The following USH2A variants were observed in gnomAD, a reference collection of about 807,000 sequenced individuals.
USH2A encodes usherin.
In USH2A, 443 loss-of-function variants were observed where a neutral mutation model predicts 538.9. The ratio of observed to expected loss-of-function variants is 0.82; its 90% CI spans 0.76 to 0.89. The LOEUF (loss-of-function observed/expected upper bound fraction) is 0.89, where lower values mean the gene tolerates loss of function less well. USH2A is among the 40% of genes least tolerant of loss of function. The pLI is 0.00. For synonymous variants in USH2A, 2,413 were observed against 2,273.5 expected (o/e 1.06, Z -1.75); for missense variants, 6,633 against 6,324.8 (o/e 1.05, Z -1.65).
intron 38 of USH2A, among the ~76,000 whole-genome samples, chr1:215,904,028 T>C (rs866534397): frequency 1.1e-4 from 16 of 152,076 alleles, no homozygotes; most frequent in Admixed American, 4.6e-4. Context: ...AATAAGTGCA[T>C]ACATAGAAAA....
At chr1:215,779,183 C>G (rs559952028) in intron 55 of USH2A, among the ~76,000 whole-genome samples, 1 of 152,186 alleles carries the variant, frequency 6.6e-6, no homozygotes, top group African/African-American at 2.4e-5. Flanking sequence ...GTTAGAGAAC[C>G]TATTCGAGCA....
intron 3 of USH2A, among the ~76,000 whole-genome samples, chr1:216,388,078 C>T (rs2039035666): frequency 6.6e-6 from 1 of 152,150 alleles, no homozygotes; most frequent in Non-Finnish European, 1.5e-5. Context: ...TATATTCTGC[C>T]ATGAACAAGT....
chr1:216,419,174 G>A (rs2039632630), intron 2 of USH2A, among the ~76,000 whole-genome samples: 1 of 152,064 alleles, frequency 6.6e-6, no homozygotes, highest in African/African-American at 2.4e-5. Context: ...GTGAAATGAA[G>A]AATGGACAGC....
intron 39 of USH2A, 169 bp downstream of exon 39, chr1:215,900,586 A>C: frequency 2.2e-6 from 2 of 930,206 alleles, no homozygotes; most frequent in South Asian, 3.2e-5. Flanking sequence ...ATAAATGAAA[A>C]ATAGATATTT....
intron 58 of USH2A, among the ~76,000 whole-genome samples, chr1:215,758,218 G>A (rs1295809974): frequency 5.3e-5 from 8 of 151,596 alleles, no homozygotes; most frequent in African/African-American, 1.2e-4. Context: ...CCCAGGAGTC[G>A]GAGGTTGTGG....
intron 9 of USH2A, among the ~76,000 whole-genome samples, chr1:216,306,871 T>C (rs894161059): frequency 6.6e-6 from 1 of 152,200 alleles, no homozygotes; most frequent in African/African-American, 2.4e-5. Flanking sequence ...CAAACAGCCC[T>C]GTGATATGAT....
chr1:216,405,444 C>A (rs750115000), intron 3 of USH2A, among the ~76,000 whole-genome samples: 98 of 152,216 alleles, frequency 6.4e-4, no homozygotes, highest in Non-Finnish European at 1.2e-3. Flanking sequence ...ATGCTGAACA[C>A]CATTAGTCAT....
chr1:216,077,801 A>G (rs1404258416), intron 27 of USH2A, among the ~76,000 whole-genome samples: 2 of 150,638 alleles, frequency 1.3e-5, no homozygotes, highest in Non-Finnish European at 3.0e-5. Context: ...CACATATATA[A>G]TTATATGTCA....
At chr1:216,240,009 TAAACAAAA>T (rs1428245089) in intron 13 of USH2A, among the ~76,000 whole-genome samples, 1 of 8,576 alleles carries the variant, frequency 1.2e-4, no homozygotes, top group African/African-American at 4.9e-4. Context: ...AGAGATGAAA[TAAACAAAA>T]AAAAAAAAAA....
At chr1:216,414,725 C>T (rs2102778220) in intron 3 of USH2A, among the ~76,000 whole-genome samples, 1 of 152,112 alleles carries the variant, frequency 6.6e-6, no homozygotes, top group South Asian at 2.1e-4. Flanking sequence ...TTTATTTTTT[C>T]ACATGCACAG....
In USH2A at chr1:215,741,429, T is replaced by C; in HGVS notation, c.11657A>G (p.Lys3886Arg). Residue 3886 changes from lysine (K) to arginine (R), a missense_variant, in exon 60 of 72, where the codon AAG (lysine) becomes AGG (arginine). Physicochemically the swap from Lys to Arg is conservative, Grantham distance 26 (BLOSUM62 2). Transcript: ENST00000307340. ...ATTTGGTTTTTCAGGTGGCATCCAC[T>C]TAATCTCTATGCAAGCTGACCCCAG... ...KALGSACIEI[K>R]WMPPEKPNGI... 1 of 1,614,104 alleles carries C rather than the reference T, an allele frequency of 6.2e-7. No individual in the cohort carries two copies. Among genetic ancestry groups the C allele is most frequent in the East Asian group, 2.2e-5 (1 of 44,858 alleles).
intron 3 of USH2A, among the ~76,000 whole-genome samples, chr1:216,396,186 CA>C (rs905025543): frequency 1.3e-5 from 2 of 151,018 alleles, no homozygotes; most frequent in African/African-American, 4.9e-5. Flanking sequence ...AGTCTGAGTA[CA>C]AAAAAAAATC....
chr1:215,773,551 T>C (rs1400910728), intron 55 of USH2A, among the ~76,000 whole-genome samples: 1 of 151,532 alleles, frequency 6.6e-6, no homozygotes, highest in Non-Finnish European at 1.5e-5. Flanking sequence ...TCTCTCTCTC[T>C]CACAAGGAGC....
chr1:215,837,736 T>C (rs1373977493), intron 47 of USH2A, among the ~76,000 whole-genome samples: 2 of 152,214 alleles, frequency 1.3e-5, no homozygotes, highest in Non-Finnish European at 1.5e-5. Context: ...TAAGGAGACA[T>C]GTATTTCAAG....
At chr1:216,120,383 T>G (rs1432298780) in intron 21 of USH2A, among the ~76,000 whole-genome samples, 1 of 151,406 alleles carries the variant, frequency 6.6e-6, no homozygotes, top group South Asian at 2.1e-4. Flanking sequence ...ATTTATGTAT[T>G]TATTTATTTA....
chr1:215,644,359 A>C (rs1303801212), intron 67 of USH2A, among the ~76,000 whole-genome samples: 2 of 152,130 alleles, frequency 1.3e-5, no homozygotes, highest in South Asian at 4.1e-4. Flanking sequence ...TACACTTCAA[A>C]ACAGAGCACT....
In USH2A at chr1:215,800,228, C is replaced by A. The variant is rs1662284154; in HGVS notation, c.9740-1103G>T. ...TCATTTCTCTTCTCTATCTCATGAC[C>A]CCACTGTGGTTGTCTTCCCTCGTGG... On this transcript the variant is annotated intron_variant, in intron 49 of 71. Coordinates refer to ENST00000307340, the MANE Select transcript of USH2A (RefSeq NM_206933.4). Among the ~76,000 whole-genome samples, 3 of 152,028 alleles carry A rather than the reference C, an allele frequency of 2.0e-5. No homozygotes were observed. The South Asian group carries it at 6.2e-4, about 31-fold the overall frequency.
At chr1:215,701,119 T>C (rs1322130734) in intron 61 of USH2A, among the ~76,000 whole-genome samples, 3 of 152,228 alleles carry the variant, frequency 2.0e-5, no homozygotes, top group Non-Finnish European at 4.4e-5. Flanking sequence ...TGTGTGGTTT[T>C]GAGTGAGTTT....
chr1:215,734,518 C>G (rs751702938), intron 60 of USH2A, among the ~76,000 whole-genome samples: 1 of 152,186 alleles, frequency 6.6e-6, no homozygotes, highest in Non-Finnish European at 1.5e-5. Context: ...AATTCTCTCT[C>G]TACCACAGGG....
Sources: allele counts gnomAD v4.1 joint callset (sites outside exome capture counted in the v4.1 genomes callset), GRCh38; gene constraint gnomAD v4.1.1; transcripts MANE v1.5; gene names NCBI Gene and HGNC (gene_info 2026-07-23, HGNC 2026-07-21).